SDK1: variants seen among roughly 807,000 people sequenced by gnomAD.
The protein encoded by SDK1 is protein sidekick-1.
A neutral mutation model predicts 245.5 loss-of-function variants in SDK1; 157 were observed. The observed-to-expected ratio is 0.64, with a 90% confidence interval of 0.56 to 0.73. The LOEUF (loss-of-function observed/expected upper bound fraction) is 0.73. SDK1 is among the 30% of genes least tolerant of loss of function. The probability of loss-of-function intolerance (pLI) is 0.00; values close to 1 mark genes in which losing one functional copy is unlikely to be tolerated. For synonymous variants in SDK1, 1,647 were observed against 1,278.5 expected, an observed-to-expected ratio of 1.29 and a Z score of -6.15; for missense variants, 3,583 against 3,002.3, an observed-to-expected ratio of 1.19 and a Z score of -4.52.
At chr7:3,578,608 C>T (rs571277372) in intron 1 of SDK1, among the ~76,000 whole-genome samples, 11 of 151,906 alleles carry the variant, frequency 7.2e-5, no homozygotes, top group South Asian at 4.2e-4. Context: ...CCACAGCAGC[C>T]GTTTATAGAC....
chr7:3,669,081 C>G (rs1364963807), intron 4 of SDK1, among the ~76,000 whole-genome samples: 1 of 152,084 alleles, frequency 6.6e-6, no homozygotes, highest in Non-Finnish European at 1.5e-5. Context: ...GGACACATTC[C>G]AGGGAGAAAA....
At chr7:3,441,871 C>T (rs1298079233) in intron 1 of SDK1, among the ~76,000 whole-genome samples, 1 of 152,124 alleles carries the variant, frequency 6.6e-6, no homozygotes, top group Non-Finnish European at 1.5e-5. Context: ...ACTTAGGGTA[C>T]CTTGAAATTA....
intron 19 of SDK1, among the ~76,000 whole-genome samples, chr7:4,066,066 G>A (rs1255261292): frequency 3.3e-5 from 5 of 152,126 alleles, no homozygotes; most frequent in Non-Finnish European, 5.9e-5. Flanking sequence ...AGTGTTCCCT[G>A]CCTGGCGTGG....
Position 3,642,042 on chromosome 7 carries a change from G to A in SDK1, c.650G>A (p.Ser217Asn), listed in dbSNP as rs1782668023. 4 of 1,614,134 alleles carry A rather than the reference G, an allele frequency of 2.5e-6. No individual in the cohort carries two copies. Among genetic ancestry groups the A allele is most frequent in the East Asian group, 2.2e-5 (1 of 44,892 alleles). Residue 217 changes from serine (S) to asparagine (N), a missense_variant, in exon 4 of 45, where the codon AGC (serine) becomes AAC (asparagine). Transcript: ENST00000404826. ...AAILNLLPIT[S>N]YPRPQVTWFR... ...ATTCTAAACCTGCTGCCCATCACCAGCTACCCCAGACCTCAAGTGACTTGG... is the reference window on the plus strand; with the variant it reads ...ATTCTAAACCTGCTGCCCATCACCAACTACCCCAGACCTCAAGTGACTTGG...
At chr7:3,537,469 G>A (rs553871075) in intron 1 of SDK1, among the ~76,000 whole-genome samples, 1 of 152,154 alleles carries the variant, frequency 6.6e-6, no homozygotes, top group Non-Finnish European at 1.5e-5. Flanking sequence ...GGAGGGTTAG[G>A]TTGGACTGTA....
chr7:3,459,915 A>G (rs1165162694), intron 1 of SDK1, among the ~76,000 whole-genome samples: 1 of 152,208 alleles, frequency 6.6e-6, no homozygotes, highest in East Asian at 1.9e-4. Context: ...GCTTTTCAAT[A>G]TGTAATTTGC....
Position 3,639,120 on chromosome 7 carries a change from C to A in SDK1, c.565+10C>A. The A allele has an allele frequency of 6.6e-7, 1 of 1,511,568 alleles. No homozygotes were observed. The highest frequency in any genetic ancestry group is 9.1e-7 in the Non-Finnish European group (1 of 1,097,546). 93.6% of individuals were successfully genotyped at this position (1,511,568 alleles called of 1,614,324 possible). ...GAAGTTCAAGTCGCATGTATGTGTACAGTAAGGAGATGTCCAAATGTTAAA... is the reference window on the plus strand; with the variant it reads ...GAAGTTCAAGTCGCATGTATGTGTAAAGTAAGGAGATGTCCAAATGTTAAA... On this transcript the variant is annotated intron_variant, in intron 3 of 44. Coordinates refer to ENST00000404826, the MANE Select transcript of SDK1 (RefSeq NM_152744.4).
chr7:4,139,721 A>ATG lies in SDK1; in HGVS notation c.4229-5987_4229-5986dup, dbSNP rs1330952824. Among the ~76,000 whole-genome samples the ATG allele has an allele frequency of 9.9e-5, 11 of 110,756 alleles. 2 individuals carry two copies. The highest frequency in any genetic ancestry group is 3.3e-4 in the South Asian group (1 of 3,046). The allele number at this position is 110,756 out of a possible 152,430, so 72.7% of individuals were successfully genotyped here. A position where few individuals can be genotyped will look rare whatever the true frequency, so the allele number is the denominator to read the frequency against. ...TGTGTGTGTATGTGTGTGTGTGTGT[A>ATG]TGTGTGTGTGTGTGTATGTGTGTGT... is the stretch of plus-strand genomic sequence containing the variant. On this transcript the variant is annotated intron_variant, in intron 28 of 44. Coordinates refer to ENST00000404826, the MANE Select transcript of SDK1 (RefSeq NM_152744.4).
chr7:3,510,931 C>T (rs559421066), intron 1 of SDK1, among the ~76,000 whole-genome samples: 26 of 152,272 alleles, frequency 1.7e-4, no homozygotes, highest in African/African-American at 3.4e-4. Flanking sequence ...GATTTCCTTC[C>T]GTGGGAAGCC....
intron 1 of SDK1, among the ~76,000 whole-genome samples, chr7:3,430,486 G>C (rs9942558): frequency 0.34 from 52,135 of 151,832 alleles, 11,587 homozygotes; most frequent in African/African-American, 0.64. Flanking sequence ...TTTTACCTCT[G>C]TGACCTAGAG....
At chr7:4,187,929 C>T (rs142890434) in intron 35 of SDK1, among the ~76,000 whole-genome samples, 25 of 149,600 alleles carry the variant, frequency 1.7e-4, no homozygotes, top group African/African-American at 4.9e-4. Flanking sequence ...AGAGGTTGAA[C>T]GGACTCCCAG....
At chr7:4,230,117 TG>T (rs1421858167) in intron 40 of SDK1, among the ~76,000 whole-genome samples, 1 of 95,152 alleles carries the variant, frequency 1.1e-5, no homozygotes, top group African/African-American at 4.2e-5. Flanking sequence ...GGTGGATGAG[TG>T]GGTGGCTGGT....
chr7:3,921,818 C>T (rs1016965365), intron 5 of SDK1, among the ~76,000 whole-genome samples: 17 of 152,054 alleles, frequency 1.1e-4, no homozygotes, highest in Middle Eastern at 3.4e-3. Context: ...TAAAAAAAAT[C>T]AGGTGGACAT....
At position 4,210,075 on chromosome 7, in the gene SDK1, C is replaced by T. The variant is rs775998572; in HGVS notation, c.5452C>T (p.Leu1818Phe). 1.2e-6 allele frequency: 2 copies of T among 1,609,468 alleles called. No homozygotes were observed. Among genetic ancestry groups the T allele is most frequent in the South Asian group, 2.2e-5 (2 of 90,242 alleles). Residue 1818 changes from leucine (L) to phenylalanine (F), a missense_variant, in exon 38 of 45, where the codon CTC (leucine) becomes TTC (phenylalanine). Transcript: ENST00000404826. ...LAFSEITSTT[L>F]NVSWGEPAAA... ...GTTCTCAGAAATAACCTCCACCACGCTCAACGTGTCCTGGGGCGAGCCTGC... is the reference window on the plus strand; with the variant it reads ...GTTCTCAGAAATAACCTCCACCACGTTCAACGTGTCCTGGGGCGAGCCTGC...
chr7:3,625,678 C>G (rs928336872), intron 2 of SDK1, among the ~76,000 whole-genome samples: 1 of 152,194 alleles, frequency 6.6e-6, no homozygotes, highest in African/African-American at 2.4e-5. Context: ...TTATCAGCTC[C>G]TGTACTTGGC....
chr7:3,619,039 C>G, intron 1 of SDK1, 41 bp from the exon 2 acceptor site: 1 of 1,449,738 alleles, frequency 6.9e-7, no homozygotes, highest in East Asian at 2.5e-5. Context: ...CACTTTCATG[C>G]GTACTTCAGT....
intron 22 of SDK1, among the ~76,000 whole-genome samples, chr7:4,101,010 G>C (rs1305862044): frequency 6.6e-6 from 1 of 152,176 alleles, no homozygotes; most frequent in Non-Finnish European, 1.5e-5. Flanking sequence ...CTATGCGGAG[G>C]TGCACACAGG....
intron 1 of SDK1, among the ~76,000 whole-genome samples, chr7:3,328,385 T>C (rs1250714722): frequency 3.3e-5 from 5 of 152,058 alleles, no homozygotes; most frequent in Non-Finnish European, 7.4e-5. Flanking sequence ...TACTTGTAAA[T>C]GATGATGATG....
chr7:3,734,853 A>T (rs1019160928), intron 4 of SDK1, among the ~76,000 whole-genome samples: 3 of 152,128 alleles, frequency 2.0e-5, no homozygotes, highest in Non-Finnish European at 2.9e-5. Flanking sequence ...AATTTTTTTC[A>T]TCTCAAGTAG....
Sources: gnomAD v4.1 joint callset for allele counts (sites outside exome capture counted in the v4.1 genomes callset) on GRCh38, gnomAD v4.1.1 for gene constraint, MANE v1.5 for transcripts, NCBI Gene and HGNC (gene_info 2026-07-23, HGNC 2026-07-21) for gene names.